WASF3: variants seen among roughly 807,000 people sequenced by gnomAD.
WASF3 encodes actin-binding protein WASF3.
In WASF3, 11 loss-of-function variants were observed where a neutral mutation model predicts 46.6. That is an observed-to-expected ratio of 0.24 (90% confidence interval 0.15 to 0.39). WASF3 has a LOEUF of 0.39. Among genes scored for constraint, WASF3 ranks in the 10% least tolerant of loss-of-function variants. The pLI is 1.00. For synonymous variants in WASF3, 242 were observed against 259.7 expected (o/e 0.93, Z 0.65); for missense variants, 576 against 669.8 (o/e 0.86, Z 1.55).
intron 2 of WASF3, among the ~76,000 whole-genome samples, chr13:26,629,956 T>A (rs1881601338): frequency 6.6e-6 from 1 of 152,152 alleles, no homozygotes; most frequent in Non-Finnish European, 1.5e-5. Flanking sequence ...TGCCACAAAC[T>A]CCATATTGTC....
At chr13:26,668,040 C>T (rs749430433) in intron 5 of WASF3, among the ~76,000 whole-genome samples, 4 of 152,048 alleles carry the variant, frequency 2.6e-5, no homozygotes, top group Non-Finnish European at 5.9e-5. Context: ...ATTTATAATG[C>T]AGCAAAATAC....
At chr13:26,642,656 A>C (rs905938418) in intron 3 of WASF3, among the ~76,000 whole-genome samples, 8 of 152,236 alleles carry the variant, frequency 5.3e-5, no homozygotes, top group African/African-American at 1.9e-4. Context: ...GATTTAAAAT[A>C]GTGTTAATTT....
intron 3 of WASF3, among the ~76,000 whole-genome samples, chr13:26,646,985 A>G (rs1036508886): frequency 2.6e-5 from 4 of 152,222 alleles, no homozygotes; most frequent in African/African-American, 9.7e-5. Context: ...AAGGCCCTAC[A>G]ACTTTACATA....
At chr13:26,610,020 T>A (rs1055967782) in intron 1 of WASF3, among the ~76,000 whole-genome samples, 1 of 152,152 alleles carries the variant, frequency 6.6e-6, no homozygotes, top group Non-Finnish European at 1.5e-5. Context: ...TCAAGCTGGA[T>A]CCATGTGGCT....
chr13:26,651,326 A>G (rs1380537031), intron 3 of WASF3, among the ~76,000 whole-genome samples: 1 of 152,156 alleles, frequency 6.6e-6, no homozygotes, highest in Admixed American at 6.5e-5. Flanking sequence ...AAAAAAACAC[A>G]AAAAACAAAA....
At chr13:26,600,760 C>T (rs1050837478) in intron 1 of WASF3, among the ~76,000 whole-genome samples, 1 of 152,202 alleles carries the variant, frequency 6.6e-6, no homozygotes, top group African/African-American at 2.4e-5. Context: ...ACAGGAGCAT[C>T]CGCTCTGCAT....
intron 1 of WASF3, among the ~76,000 whole-genome samples, chr13:26,561,341 T>TG (rs923815868): frequency 1.3e-5 from 2 of 151,162 alleles, no homozygotes; most frequent in African/African-American, 4.9e-5. Flanking sequence ...GTGTATGTGG[T>TG]GGGGGGAGTT....
At chr13:26,683,091 G>C in intron 9 of WASF3, 117 bp downstream of exon 9, 1 of 1,380,618 alleles carries the variant, frequency 7.2e-7, no homozygotes, top group Non-Finnish European at 9.7e-7. Flanking sequence ...TTAAAATAGA[G>C]TTAAAGGGGT....
At chr13:26,613,565 C>T (rs1259339762) in intron 2 of WASF3, among the ~76,000 whole-genome samples, 7 of 152,048 alleles carry the variant, frequency 4.6e-5, no homozygotes, top group Admixed American at 1.3e-4. Flanking sequence ...GTCAGGAGAT[C>T]GCGACCATCC....
At chr13:26,558,830 G>C (rs1016314783) in intron 1 of WASF3, among the ~76,000 whole-genome samples, 115 of 152,238 alleles carry the variant, frequency 7.6e-4, no homozygotes, top group African/African-American at 2.6e-3. Context: ...AGCAGAACAT[G>C]GTATTTTAAG....
chr13:26,668,187 G>A (rs994932676), intron 5 of WASF3, among the ~76,000 whole-genome samples: 2 of 152,138 alleles, frequency 1.3e-5, no homozygotes, highest in Non-Finnish European at 2.9e-5. Context: ...CACGTTATCA[G>A]GACGAGACTT....
At chr13:26,594,951 C>T (rs982216766) in intron 1 of WASF3, among the ~76,000 whole-genome samples, 14 of 152,170 alleles carry the variant, frequency 9.2e-5, no homozygotes. Flanking sequence ...CTTTCTTTAC[C>T]TACCATTTCC....
intron 1 of WASF3, among the ~76,000 whole-genome samples, chr13:26,609,006 T>C (rs1405479678): frequency 6.6e-6 from 1 of 152,196 alleles, no homozygotes; most frequent in Admixed American, 6.6e-5. Context: ...AATAGAGCTA[T>C]ATCTCGAGCT....
At chr13:26,669,830 T>A (rs1398124931) in intron 5 of WASF3, among the ~76,000 whole-genome samples, 1 of 140,972 alleles carries the variant, frequency 7.1e-6, no homozygotes, top group African/African-American at 2.6e-5. Flanking sequence ...ACGGAAAAAT[T>A]AAGTGTTTAG....
chr13:26,633,219 T>TTTTTTTTTTTTTA (rs1881711782), intron 2 of WASF3, among the ~76,000 whole-genome samples: 1 of 138,858 alleles, frequency 7.2e-6, no homozygotes, highest in Admixed American at 7.4e-5. Flanking sequence ...TTTTTTTTCT[T>TTTTTTTTTTTTTA]GAGGCAGAGT....
intron 6 of WASF3, 35 bp downstream of exon 6, chr13:26,672,024 G>A: frequency 2.9e-6 from 4 of 1,395,238 alleles, no homozygotes; most frequent in Non-Finnish European, 4.0e-6. Context: ...GTGCATATCA[G>A]TGTTCAAAGG....
At chr13:26,557,421 C>T (rs557019681), upstream of WASF3, among the ~76,000 whole-genome samples, 20 of 152,286 alleles carry the variant, frequency 1.3e-4, no homozygotes, top group Admixed American at 8.5e-4. Flanking sequence ...CGAAGTATCC[C>T]CACCTCTCCT....
At chr13:26,659,537 G>A (rs1364453636) in intron 3 of WASF3, among the ~76,000 whole-genome samples, 2 of 152,174 alleles carry the variant, frequency 1.3e-5, no homozygotes, top group African/African-American at 2.4e-5. Context: ...CAAGATGACT[G>A]GGGCTGCTCG....
chr13:26,683,487 AGAATTG>A (rs756150992), intron 9 of WASF3, among the ~76,000 whole-genome samples: 30 of 136,494 alleles, frequency 2.2e-4, no homozygotes, highest in South Asian at 5.2e-4. Flanking sequence ...AAAAAAAAAA[AGAATTG>A]AAATTAGGAA....
Sources: gnomAD v4.1 joint callset for allele counts (sites outside exome capture counted in the v4.1 genomes callset) on GRCh38, gnomAD v4.1.1 for gene constraint, MANE v1.5 for transcripts, NCBI Gene and HGNC (gene_info 2026-07-23, HGNC 2026-07-21) for gene names.